The following ABHD2 variants were observed in gnomAD, a reference collection of about 807,000 sequenced individuals.
ABHD2 encodes abhydrolase domain containing 2, acylglycerol lipase.
A neutral mutation model predicts 48.1 loss-of-function variants in ABHD2; 20 were observed. The observed-to-expected ratio is 0.42, with a 90% confidence interval of 0.29 to 0.60. The LOEUF (loss-of-function observed/expected upper bound fraction) is 0.60, where lower values mean the gene tolerates loss of function less well. Among genes scored for constraint, ABHD2 ranks in the 20% least tolerant of loss-of-function variants. ABHD2 has a pLI of 0.24. For synonymous variants in ABHD2, 209 were observed against 214.2 expected (o/e 0.98, Z 0.21); for missense variants, 405 against 550.9 (o/e 0.74, Z 2.65).
intron 10 of ABHD2, 144 bp downstream of exon 10, chr15:89,193,463 A>G (rs903262401): frequency 8.3e-5 from 57 of 690,236 alleles, no homozygotes; most frequent in Non-Finnish European, 2.5e-6. Context: ...TATTCTGTGT[A>G]GCCTGATAGT....
In ABHD2 at chr15:89,198,251, AT is replaced by A. The variant is rs1281823642; in HGVS notation, c.*2830del. ...AAATTGCATCAATCTGGACAATTCCATTGCAGGAATAATATGTTAAAAACCA... is the reference window on the plus strand; with the variant it reads ...AAATTGCATCAATCTGGACAATTCCATGCAGGAATAATATGTTAAAAACCA... On this transcript the variant is annotated 3_prime_UTR_variant, in exon 11 of 11. Transcript: ENST00000352732. This position sits in a 1 kb window ranked among gnomAD's most constrained non-coding sequence, Gnocchi z 5.1. 6.6e-6 allele frequency: 1 copy of A among 152,238 alleles called. No homozygotes were observed. The highest frequency in any genetic ancestry group is 1.9e-4 in the East Asian group (1 of 5,202). The allele number at this position is 152,238 out of a possible 1,614,324, so 9.4% of individuals were successfully genotyped here.
At chr15:89,171,178 G>A (rs928389314) in intron 5 of ABHD2, among the ~76,000 whole-genome samples, 2 of 152,220 alleles carry the variant, frequency 1.3e-5, no homozygotes, top group Non-Finnish European at 2.9e-5. Flanking sequence ...TTCTCAAAGT[G>A]TGGTCTCTGG....
intron 1 of ABHD2, among the ~76,000 whole-genome samples, chr15:89,103,556 C>CT (rs2049734464): frequency 6.6e-6 from 1 of 152,186 alleles, no homozygotes; most frequent in South Asian, 2.1e-4. Flanking sequence ...CACATGGACT[C>CT]TTAAGTTAGG....
At chr15:89,107,109 T>A (rs1035226491) in intron 1 of ABHD2, among the ~76,000 whole-genome samples, 1 of 152,044 alleles carries the variant, frequency 6.6e-6, no homozygotes, top group Non-Finnish European at 1.5e-5. Flanking sequence ...GAAGAATGGG[T>A]AGTCTTTCCA....
At chr15:89,103,425 AG>A (rs1427825865) in intron 1 of ABHD2, among the ~76,000 whole-genome samples, 3 of 152,160 alleles carry the variant, frequency 2.0e-5, no homozygotes, top group Admixed American at 6.5e-5. Flanking sequence ...CCCATTTTAT[AG>A]AAGAAAAAAC....
In ABHD2 at chr15:89,188,255, G is replaced by A. The variant is rs1468380681; in HGVS notation, c.878G>A (p.Arg293Gln). The A allele has an allele frequency of 5.0e-6, 8 of 1,606,886 alleles. No homozygotes were observed. Among genetic ancestry groups the A allele is most frequent in the Non-Finnish European group, 5.9e-6 (7 of 1,176,732 alleles). The change falls in exon 8 of 11, where the codon CGG (arginine) becomes CAG (glutamine). Residue 293 changes from arginine (R) to glutamine (Q), a missense_variant. Coordinates refer to ENST00000352732, the MANE Select transcript of ABHD2 (RefSeq NM_152924.5). This position sits in a 1 kb window ranked among gnomAD's most constrained non-coding sequence, Gnocchi z 4.1. ...AGCCTGGAAGACACGGACTTGAGCCGGCTCTACACAGCAACATCCCTGATG... is the reference window on the plus strand; with the variant it reads ...AGCCTGGAAGACACGGACTTGAGCCAGCTCTACACAGCAACATCCCTGATG... ...PQSLEDTDLS[R>Q]LYTATSLMQI...
Position 89,104,867 on chromosome 15 carries a change from C to G in ABHD2, c.-106-8858C>G, listed in dbSNP as rs2049758575. On this transcript the variant is annotated intron_variant, in intron 1 of 10. Coordinates refer to ENST00000352732, the MANE Select transcript of ABHD2 (RefSeq NM_152924.5). This position sits in a 1 kb window ranked among gnomAD's most constrained non-coding sequence, Gnocchi z 4.4. Reference sequence around the variant, plus strand: ...CCCTCTTCTTCAGTTGTATCCTTCTCTTAAAAATTCCAGTAAACTAGGCAC... The same window carrying G: ...CCCTCTTCTTCAGTTGTATCCTTCTGTTAAAAATTCCAGTAAACTAGGCAC... Among the ~76,000 whole-genome samples the G allele has an allele frequency of 6.6e-6, 1 of 152,194 alleles. No individual in the cohort carries two copies. The highest frequency in any genetic ancestry group is 2.4e-5 in the African/African-American group (1 of 41,454).
At chr15:89,172,089 G>T (rs1357873752) in intron 5 of ABHD2, among the ~76,000 whole-genome samples, 1 of 151,770 alleles carries the variant, frequency 6.6e-6, no homozygotes, top group Non-Finnish European at 1.5e-5. Flanking sequence ...CACTACTTTA[G>T]AGAAAACCCT....
rs2051217690 is a variant in ABHD2 at position 89,186,770 on chromosome 15, G to A, written c.815+1254G>A. Among the ~76,000 whole-genome samples the A allele has an allele frequency of 6.6e-6, 1 of 152,174 alleles. No homozygotes were observed. Reference sequence around the variant, plus strand: ...GGTATCACCCTAGAAAAAGCAATCTGACTAAATGATCAATTTCTTGTTCTC... The same window carrying A: ...GGTATCACCCTAGAAAAAGCAATCTAACTAAATGATCAATTTCTTGTTCTC... On this transcript the variant is annotated intron_variant, in intron 7 of 10. Transcript: ENST00000352732. The surrounding 1 kb of genome is among the most constrained non-coding windows in gnomAD (Gnocchi z 4.3).
chr15:89,059,043 A>AT, the ABHD2 span, among the ~76,000 whole-genome samples: 1 of 152,172 alleles, frequency 6.6e-6, no homozygotes, highest in Non-Finnish European at 1.5e-5. Context: ...AAGACTAGGA[A>AT]TGGGGCACGC....
chr15:89,042,764 A>C, the ABHD2 span, among the ~76,000 whole-genome samples: 1 of 151,812 alleles, frequency 6.6e-6, no homozygotes, highest in Non-Finnish European at 1.5e-5. Flanking sequence ...CTCATGCCTC[A>C]GCCTCCCAAG....
chr15:89,085,057 A>G (rs969702077), upstream of ABHD2, among the ~76,000 whole-genome samples: 10 of 152,164 alleles, frequency 6.6e-5, no homozygotes, highest in Non-Finnish European at 1.3e-4. The surrounding 1 kb of genome is among the most constrained non-coding windows in gnomAD (Gnocchi z 4.2). Flanking sequence ...AATAAATAGA[A>G]CATATTATCT....
the ABHD2 span, among the ~76,000 whole-genome samples, chr15:89,069,395 TGGG>T: frequency 6.6e-6 from 1 of 152,106 alleles, no homozygotes; most frequent in African/African-American, 2.4e-5. Flanking sequence ...TCCAAGTAAC[TGGG>T]ATTACAGGCA....
At chr15:89,055,489 T>C in the ABHD2 span, among the ~76,000 whole-genome samples, 1 of 152,072 alleles carries the variant, frequency 6.6e-6, no homozygotes. Context: ...AATGCCATCA[T>C]GCTCAGCTAA....
At chr15:89,170,878 G>T (rs1335464889) in intron 5 of ABHD2, among the ~76,000 whole-genome samples, 1 of 152,200 alleles carries the variant, frequency 6.6e-6, no homozygotes, top group Non-Finnish European at 1.5e-5. Flanking sequence ...AGCACTTTGG[G>T]AGGCCGAGGG....
At chr15:89,117,983 G>T (rs1018846600) in intron 3 of ABHD2, among the ~76,000 whole-genome samples, 18 of 152,164 alleles carry the variant, frequency 1.2e-4, no homozygotes, top group Admixed American at 1.1e-3. Flanking sequence ...CACTATAAAT[G>T]TCATCATACT....
intron 2 of ABHD2, among the ~76,000 whole-genome samples, chr15:89,115,372 GTGTGTGTGTGTGTGTGTGT>G (rs2049940363): frequency 2.4e-4 from 3 of 12,618 alleles, no homozygotes; most frequent in African/African-American, 4.0e-4. Context: ...TTGGAGGTAT[GTGTGTGTGTGTGTGTGTGT>G]GTGTGTGTGT....
chr15:89,166,974 T>C lies in ABHD2; in HGVS notation c.539-8838T>C, dbSNP rs989259271. Among the ~76,000 whole-genome samples, 3 of 152,210 alleles carry C rather than the reference T, an allele frequency of 2.0e-5. No individual in the cohort carries two copies. The highest frequency in any genetic ancestry group is 3.8e-4 in the East Asian group (2 of 5,196). ...CACTTTTGAGAGTAAAAAGGGACTTTATTAATAACGTTATAATAATTCATA... is the reference window on the plus strand; with the variant it reads ...CACTTTTGAGAGTAAAAAGGGACTTCATTAATAACGTTATAATAATTCATA... On this transcript the variant is annotated intron_variant, in intron 5 of 10. Transcript: ENST00000352732. This position sits in a 1 kb window ranked among gnomAD's most constrained non-coding sequence, Gnocchi z 4.6.
At chr15:89,193,176 T>C in intron 9 of ABHD2, 59 bp from the exon 10 acceptor site, 3 of 1,531,560 alleles carry the variant, frequency 2.0e-6, no homozygotes, top group Non-Finnish European at 2.7e-6. Context: ...GAGCCTTGAA[T>C]CGATGGGGTC....
Sources: allele counts gnomAD v4.1 joint callset (sites outside exome capture counted in the v4.1 genomes callset), GRCh38; gene constraint gnomAD v4.1.1; non-coding constraint Gnocchi (gnomAD v3.1); transcripts MANE v1.5; gene names NCBI Gene and HGNC (gene_info 2026-07-23, HGNC 2026-07-21).